Variants in TMSB4X observed in about 807,000 individuals in gnomAD.
TMSB4X encodes the protein thymosin beta 4 X-linked.
In TMSB4X, 1 loss-of-function variant was observed where a neutral mutation model predicts 3.6. The ratio of observed to expected loss-of-function variants is 0.28; its 90% confidence interval spans 0.10 to 1.32. The LOEUF is 1.32. Among genes scored for constraint, TMSB4X ranks in the 40% most tolerant of loss-of-function variants. TMSB4X has a pLI of 0.45. For missense variants in TMSB4X, 6 were observed against 32.7 expected (o/e 0.18, Z 1.99); for synonymous variants, 12 against 14.3 (o/e 0.84, Z 0.36).
intron 1 of TMSB4X, chrX:12,975,935 A>G (rs751142837): frequency 2.3e-3 from 347 of 148,738 alleles, no homozygotes; most frequent in African/African-American, 0.01. Flanking sequence ...TGTCCTAGCC[A>G]GCCTTTAATT....
At chrX:12,975,666 C>G (rs766690084) in intron 1 of TMSB4X, 1 of 113,580 alleles carries the variant, frequency 8.8e-6, no homozygotes, top group Non-Finnish European at 1.9e-5. Flanking sequence ...CAGGCAAGAC[C>G]GGCTTCGGGG....
intron 1 of TMSB4X, 60 bp from the exon 2 acceptor site, chrX:12,976,186 C>A: frequency 1.1e-6 from 1 of 917,247 alleles, no homozygotes; most frequent in Non-Finnish European, 1.6e-6. Flanking sequence ...CAGTTCCCAG[C>A]CCAGAGACAG....
At position 12,976,748 on chromosome X, in the gene TMSB4X, C is replaced by CTTT. The variant is rs138495959; in HGVS notation, c.101-13_101-11dup. ...GAATCCTTTAATCATCTCCCTCCAT[C>CTTT]TTTTTTTTTTTTTTTTTTCTGGTCA... On this transcript the variant is annotated intron_variant, in intron 2 of 2. Transcript: ENST00000451311. The CTTT allele has an allele frequency of 7.1e-4, 760 of 1,067,826 alleles. 7 individuals are homozygous for CTTT. Among genetic ancestry groups the CTTT allele is most frequent in the Admixed American group, 1.9e-3 (60 of 32,027 alleles). The allele number at this position is 1,067,826 out of a possible 1,213,427, so 88.0% of individuals were successfully genotyped here.
At position 12,976,929 on chromosome X, in the gene TMSB4X, G is replaced by A. The variant is rs2043299604; in HGVS notation, c.*118G>A. 2 of 825,827 alleles carry A rather than the reference G, an allele frequency of 2.4e-6. No homozygotes were observed. Among genetic ancestry groups the A allele is most frequent in the East Asian group, 3.2e-5 (1 of 31,295 alleles). The allele number at this position is 825,827 out of a possible 1,213,427, so 68.1% of individuals were successfully genotyped here. A position where few individuals can be genotyped will look rare whatever the true frequency, so the allele number is the denominator to read the frequency against. ...GAGGTTGGATCAAGTTTAAATGACT[G>A]TGCTGCCCCTTTCACATCAAAGAAC... On this transcript the variant is annotated 3_prime_UTR_variant, in exon 3 of 3. Coordinates refer to ENST00000451311, the MANE Select transcript of TMSB4X (RefSeq NM_021109.4).
intron 1 of TMSB4X, 199 bp downstream of exon 1, chrX:12,975,367 A>G (rs2147274382): frequency 8.8e-6 from 1 of 113,854 alleles, no homozygotes; most frequent in African/African-American, 3.2e-5. Flanking sequence ...TGATTTAAGA[A>G]CAAAACCGAA....
intron 2 of TMSB4X, 74 bp downstream of exon 2, chrX:12,976,435 CG>C: frequency 2.2e-6 from 2 of 890,206 alleles, no homozygotes; most frequent in Non-Finnish European, 3.2e-6. Flanking sequence ...AGGCTGGGAG[CG>C]GCCGCGGGAA....
intron 1 of TMSB4X, chrX:12,975,426 T>G: frequency 8.8e-6 from 1 of 113,126 alleles, no homozygotes; most frequent in Admixed American, 9.4e-5. Flanking sequence ...AAAAATTTCT[T>G]AGTGTTTGCC....
intron 1 of TMSB4X, chrX:12,975,456 G>A (rs1410919099): frequency 8.8e-6 from 1 of 113,179 alleles, no homozygotes; most frequent in Admixed American, 9.3e-5. Context: ...ATTGTGCGTT[G>A]CCTTGGAGGC....
chrX:12,975,185 C>A lies in TMSB4X; in HGVS notation c.-17+17C>A. On this transcript the variant is annotated intron_variant, in intron 1 of 2. Coordinates refer to ENST00000451311, the MANE Select transcript of TMSB4X (RefSeq NM_021109.4). ...CTCGCTTCGGTGAGCCCCAGGGCCCCTGCCTCCTTCCTCCTGCCGTCCTGC... is the reference window on the plus strand; with the variant it reads ...CTCGCTTCGGTGAGCCCCAGGGCCCATGCCTCCTTCCTCCTGCCGTCCTGC... 1 of 119,192 alleles carries A rather than the reference C, an allele frequency of 8.4e-6. No individual in the cohort carries two copies. Among genetic ancestry groups the A allele is most frequent in the Non-Finnish European group, 1.8e-5 (1 of 55,118 alleles). The allele number at this position is 119,192 out of a possible 1,213,427, so 9.8% of individuals were successfully genotyped here.
rs748442144 is a variant in TMSB4X at position 12,976,838 on chromosome X, G to C, written c.*27G>C. On this transcript the variant is annotated 3_prime_UTR_variant, in exon 3 of 3. Coordinates refer to ENST00000451311, the MANE Select transcript of TMSB4X (RefSeq NM_021109.4). ...GAGGCGTGCGCCGCCAATATGCACT[G>C]TACATTCCACAAGCATTGCCTTCTT... The C allele has an allele frequency of 8.5e-7, 1 of 1,174,302 alleles. No homozygotes were observed. Among genetic ancestry groups the C allele is most frequent in the Non-Finnish European group, 1.1e-6 (1 of 871,297 alleles).
chrX:12,975,589 G>A (rs1004557769), intron 1 of TMSB4X: 92 of 113,350 alleles, frequency 8.1e-4, no homozygotes, highest in Middle Eastern at 4.6e-3. Flanking sequence ...GCGGGGCTGT[G>A]CTATGACATC....
intron 1 of TMSB4X, 87 bp downstream of exon 1, chrX:12,975,255 C>T (rs1308432703): frequency 8.8e-6 from 1 of 113,490 alleles, no homozygotes; most frequent in Non-Finnish European, 1.9e-5. Flanking sequence ...TGAAGGCATT[C>T]CCTAAATCCG....
intron 2 of TMSB4X, 96 bp downstream of exon 2, chrX:12,976,457 G>A: frequency 2.6e-6 from 2 of 762,506 alleles, no homozygotes; most frequent in East Asian, 3.4e-5. Flanking sequence ...GAATTCGGGA[G>A]GGGGGAGTGC....
Position 12,976,056 on chromosome X carries a change from G to T in TMSB4X, c.-16-190G>T, listed in dbSNP as rs923965035. The T allele has an allele frequency of 1.3e-4, 51 of 402,139 alleles. 1 individual carries two copies. In the South Asian group the frequency reaches 2.0e-3, roughly 16 times the overall value. The allele number at this position is 402,139 out of a possible 1,213,427, so 33.1% of individuals were successfully genotyped here. A position where few individuals can be genotyped will look rare whatever the true frequency, so the allele number is the denominator to read the frequency against. ...CCACAGCGTTTTGAAATATGGGGAG[G>T]AGGGGCGCGGGGGGTGTCGCCTCTT... On this transcript the variant is annotated intron_variant, in intron 1 of 2. Transcript: ENST00000451311.
chrX:12,975,967 T>G, intron 1 of TMSB4X: 1 of 211,170 alleles, frequency 4.7e-6, no homozygotes. Context: ...AATTAACAAT[T>G]CGCAGTGGTC....
At chrX:12,976,640 A>G (rs2043297948) in intron 2 of TMSB4X, 137 bp from the exon 3 acceptor site, 3 of 690,260 alleles carry the variant, frequency 4.3e-6, no homozygotes, top group Admixed American at 3.0e-5. Flanking sequence ...TTCAATATAC[A>G]TATTTTATTC....
chrX:12,975,954 T>C, intron 1 of TMSB4X: 1 of 179,604 alleles, frequency 5.6e-6, no homozygotes. Flanking sequence ...TTTTAAACGC[T>C]GTAATTAACA....
Position 12,976,906 on chromosome X carries a change from G to T in TMSB4X, c.*95G>T. On this transcript the variant is annotated 3_prime_UTR_variant, in exon 3 of 3. Coordinates refer to ENST00000451311, the MANE Select transcript of TMSB4X (RefSeq NM_021109.4). Reference sequence around the variant, plus strand: ...TGTTTAACTTTGTAAGATGCAAAGAGGTTGGATCAAGTTTAAATGACTGTG... The same window carrying T: ...TGTTTAACTTTGTAAGATGCAAAGATGTTGGATCAAGTTTAAATGACTGTG... The T allele has an allele frequency of 9.9e-7, 1 of 1,005,122 alleles. No homozygotes were observed. The highest frequency in any genetic ancestry group is 1.4e-6 in the Non-Finnish European group (1 of 724,398). The allele number at this position is 1,005,122 out of a possible 1,213,427, so 82.8% of individuals were successfully genotyped here.
chrX:12,976,748 C>CTTTT (rs138495959), intron 2 of TMSB4X, 29 bp from the exon 3 acceptor site: 116 of 1,070,103 alleles, frequency 1.1e-4, no homozygotes, highest in Admixed American at 3.7e-4. Flanking sequence ...CTCCCTCCAT[C>CTTTT]TTTTTTTTTT....
Sources: allele counts gnomAD v4.1 joint callset, GRCh38; gene constraint gnomAD v4.1.1; transcripts MANE v1.5; gene names NCBI Gene and HGNC (gene_info 2026-07-23, HGNC 2026-07-21).